Variants in CENPO observed in about 807,000 individuals in gnomAD.
The protein encoded by CENPO is centromeric protein O.
CENPO carries 30 observed loss-of-function variants against 36.1 expected under a neutral mutation model. That is an observed-to-expected ratio of 0.83 (90% CI 0.62 to 1.13). CENPO has a LOEUF of 1.13. CENPO is among the 50% of genes most tolerant of loss of function. The pLI is 0.00. For missense variants in CENPO, 349 were observed against 357.8 expected (o/e 0.98, Z 0.20); for synonymous variants, 171 against 142.3 (o/e 1.20, Z -1.44).
chr2:24,821,577 T>C lies in CENPO; in HGVS notation c.*2259T>C. ...TTGATGTTGGTGAGCGTATCCTTCA[T>C]GGCCAGCGCGAAGTCGGCCAGGTCA... On this transcript the variant is annotated 3_prime_UTR_variant, in exon 8 of 8. Coordinates refer to ENST00000380834, the MANE Select transcript of CENPO (RefSeq NM_001322101.2). 1 of 1,614,170 alleles carries C rather than the reference T, an allele frequency of 6.2e-7. No homozygotes were observed. Among genetic ancestry groups the C allele is most frequent in the Non-Finnish European group, 8.5e-7 (1 of 1,180,022 alleles).
In CENPO at chr2:24,819,654, G is replaced by C; in HGVS notation, c.*336G>C. 1 of 339,476 alleles carries C rather than the reference G, an allele frequency of 2.9e-6. No homozygotes were observed. Among genetic ancestry groups the C allele is most frequent in the Non-Finnish European group, 5.4e-6 (1 of 186,184 alleles). The allele number at this position is 339,476 out of a possible 1,614,324, so 21.0% of individuals were successfully genotyped here. ...CACCCTCCTGCTCACAGTGGTCAGGGCCCCTCAGGGGCAAGGACGGCAGGG... is the reference window on the plus strand; with the variant it reads ...CACCCTCCTGCTCACAGTGGTCAGGCCCCCTCAGGGGCAAGGACGGCAGGG... On this transcript the variant is annotated 3_prime_UTR_variant, in exon 8 of 8. Transcript: ENST00000380834.
rs57556645 is a variant in CENPO, at chr2:24,817,466, C to CAAAA, written c.767-197_767-194dup. On this transcript the variant is annotated intron_variant, in intron 6 of 7. Coordinates refer to ENST00000380834, the MANE Select transcript of CENPO (RefSeq NM_001322101.2). Reference sequence around the variant, plus strand: ...AGTAAGGGGCAGCCTTAGTCCAGACCAAAAAAAAAAGCTGTATGGGTCCAG... The same window carrying CAAAA: ...AGTAAGGGGCAGCCTTAGTCCAGACCAAAAAAAAAAAAAAGCTGTATGGGTCCAG... 2.7e-5 allele frequency among the ~76,000 whole-genome samples: 3 copies of CAAAA among 110,082 alleles called. 1 individual carries two copies. Among genetic ancestry groups the CAAAA allele is most frequent in the African/African-American group, 4.3e-5 (1 of 23,108 alleles). 72.2% of individuals were successfully genotyped at this position (110,082 alleles called of 152,430 possible).
chr2:24,796,319 A>C (rs1665899430), intron 2 of CENPO, among the ~76,000 whole-genome samples: 1 of 152,054 alleles, frequency 6.6e-6, no homozygotes, highest in Admixed American at 6.6e-5. Flanking sequence ...GCGCCACTGC[A>C]CTCCAGCTTG....
Position 24,816,728 on chromosome 2 carries a change from C to T in CENPO, c.677C>T (p.Pro226Leu). ...NLLSFTYKLD[P>L]GGQSFPFCAR... is the part of the protein sequence containing the mutation. ...CTGTCATTTACTTACAAACTGGATC[C>T]AGGGGGTCAGTCCTTCCCGTTCTGT... The change falls in exon 6 of 8, where the codon CCA (proline) becomes CTA (leucine). Residue 226 changes from proline to leucine, a missense_variant. Coordinates refer to ENST00000380834, the MANE Select transcript of CENPO (RefSeq NM_001322101.2). The T allele has an allele frequency of 6.2e-7, 1 of 1,613,064 alleles. No homozygotes were observed. Among genetic ancestry groups the T allele is most frequent in the Non-Finnish European group, 8.5e-7 (1 of 1,179,624 alleles).
chr2:24,815,587 T>C lies in CENPO; in HGVS notation c.425T>C (p.Leu142Pro). 1.2e-6 allele frequency: 2 copies of C among 1,614,086 alleles called. No individual in the cohort carries two copies. The highest frequency in any genetic ancestry group is 1.7e-6 in the Non-Finnish European group (2 of 1,179,948). Residue 142 changes from leucine to proline, a missense_variant, in exon 5 of 8, where the codon CTT (leucine) becomes CCT (proline). By Grantham distance (98) the Leu-to-Pro change is moderately conservative. Transcript: ENST00000380834. ...CTATTGGATTCCTATTTTGTGGACCTTGTCATACAGAAACCACTCCGGATA... is the reference window on the plus strand; with the variant it reads ...CTATTGGATTCCTATTTTGTGGACCCTGTCATACAGAAACCACTCCGGATA... ...GNLLDSYFVDLVIQKPLRIHH... is the reference protein window; with the variant it reads ...GNLLDSYFVDPVIQKPLRIHH...
chr2:24,819,235 A>G (rs970938337), intron 7 of CENPO, 119 bp from the exon 8 acceptor site: 3 of 152,676 alleles, frequency 2.0e-5, no homozygotes, highest in Admixed American at 2.0e-4. Flanking sequence ...AATTCTCTTA[A>G]AGCAGTAGCA....
chr2:24,797,028 G>C (rs1451616072), intron 2 of CENPO, among the ~76,000 whole-genome samples: 2 of 152,220 alleles, frequency 1.3e-5, no homozygotes, highest in Non-Finnish European at 2.9e-5. Flanking sequence ...TAGCCAGCTG[G>C]ATGACACGAT....
At position 24,819,668 on chromosome 2, in the gene CENPO, A is replaced by G; in HGVS notation, c.*350A>G. ...CAGTGGTCAGGGCCCCTCAGGGGCAAGGACGGCAGGGATTGGAACGAGGGC... is the reference window on the plus strand; with the variant it reads ...CAGTGGTCAGGGCCCCTCAGGGGCAGGGACGGCAGGGATTGGAACGAGGGC... On this transcript the variant is annotated 3_prime_UTR_variant, in exon 8 of 8. Transcript: ENST00000380834. 1 of 372,062 alleles carries G rather than the reference A, an allele frequency of 2.7e-6. No individual in the cohort carries two copies. The highest frequency in any genetic ancestry group is 4.8e-6 in the Non-Finnish European group (1 of 206,522). 23.0% of individuals were successfully genotyped at this position (372,062 alleles called of 1,614,324 possible).
At position 24,821,755 on chromosome 2, in the gene CENPO, C is replaced by T; in HGVS notation, c.*2437C>T. Reference sequence around the variant, plus strand: ...ATTCCCTACACCTAGATGTTCAAGGCCTTACTTTTCCTCCCACAAAGGAGT... The same window carrying T: ...ATTCCCTACACCTAGATGTTCAAGGTCTTACTTTTCCTCCCACAAAGGAGT... On this transcript the variant is annotated 3_prime_UTR_variant, in exon 8 of 8. Transcript: ENST00000380834. The T allele has an allele frequency of 6.9e-7, 1 of 1,443,364 alleles. No homozygotes were observed. Among genetic ancestry groups the T allele is most frequent in the Non-Finnish European group, 9.3e-7 (1 of 1,079,746 alleles). The allele number at this position is 1,443,364 out of a possible 1,614,324, so 89.4% of individuals were successfully genotyped here.
chr2:24,813,725 C>CTA (rs1666811732), intron 3 of CENPO, among the ~76,000 whole-genome samples: 1 of 152,112 alleles, frequency 6.6e-6, no homozygotes. Context: ...GCTGCGGAGT[C>CTA]TAGTTTATGC....
chr2:24,798,677 G>T (rs1239970454), intron 2 of CENPO, among the ~76,000 whole-genome samples: 1 of 152,018 alleles, frequency 6.6e-6, no homozygotes, highest in Non-Finnish European at 1.5e-5. Context: ...AGCCAGGATG[G>T]TCTTGATGTC....
At chr2:24,810,734 C>T (rs1666638331) in intron 3 of CENPO, among the ~76,000 whole-genome samples, 1 of 151,998 alleles carries the variant, frequency 6.6e-6, no homozygotes, top group African/African-American at 2.4e-5. Flanking sequence ...TCTCGAACTC[C>T]TGACCTCAGG....
chr2:24,806,368 T>C (rs184114740), intron 3 of CENPO, among the ~76,000 whole-genome samples: 55 of 152,316 alleles, frequency 3.6e-4, no homozygotes, highest in African/African-American at 1.1e-3. Context: ...GAGATGAACC[T>C]GGTACCTCAG....
chr2:24,801,022 A>G (rs1175292198), intron 3 of CENPO, among the ~76,000 whole-genome samples: 2 of 152,120 alleles, frequency 1.3e-5, no homozygotes, highest in Non-Finnish European at 2.9e-5. Context: ...CGCCATTCTA[A>G]CTGGTATGAG....
At chr2:24,813,776 A>G (rs946466153) in intron 3 of CENPO, among the ~76,000 whole-genome samples, 1 of 152,172 alleles carries the variant, frequency 6.6e-6, no homozygotes, top group Non-Finnish European at 1.5e-5. Flanking sequence ...TGAATAAGGA[A>G]ATGCTCTGAG....
intron 2 of CENPO, among the ~76,000 whole-genome samples, chr2:24,796,548 C>T (rs1665913717): frequency 6.6e-6 from 1 of 152,140 alleles, no homozygotes; most frequent in Non-Finnish European, 1.5e-5. Context: ...TGCGGTGGCT[C>T]ACGCCTGTAA....
chr2:24,802,006 T>G (rs1206465339), intron 3 of CENPO, among the ~76,000 whole-genome samples: 7 of 152,238 alleles, frequency 4.6e-5, no homozygotes, highest in South Asian at 2.1e-4. Flanking sequence ...ATTTCGTTGA[T>G]TAGTGGTTTG....
rs1345872096 is a variant in CENPO, at chr2:24,817,739, C to G, written c.836C>G (p.Pro279Arg). The G allele has an allele frequency of 6.2e-7, 1 of 1,614,168 alleles. No homozygotes were observed. Among genetic ancestry groups the G allele is most frequent in the East Asian group, 2.2e-5 (1 of 44,886 alleles). Residue 279 changes from proline (P) to arginine (R), a missense_variant, in exon 7 of 8, where the codon CCC becomes CGC. Coordinates refer to ENST00000380834, the MANE Select transcript of CENPO (RefSeq NM_001322101.2). The part of the protein sequence containing the change: ...ASHETLFCTK[P>R]LHQVFASFTR... ...CATGAAACTCTGTTCTGTACGAAGC[C>G]CTTGCATCAAGTGTTTGCCTCATTT...
chr2:24,816,176 T>C (rs1285120325), intron 5 of CENPO: 1 of 190,010 alleles, frequency 5.3e-6, no homozygotes, highest in Non-Finnish European at 1.1e-5. Context: ...CCCTAAACTC[T>C]AGCCTACCTT....
Sources: gnomAD v4.1 joint callset for allele counts (sites outside exome capture counted in the v4.1 genomes callset) on GRCh38, gnomAD v4.1.1 for gene constraint, MANE v1.5 for transcripts, NCBI Gene and HGNC (gene_info 2026-07-23, HGNC 2026-07-21) for gene names.